Variants in ZNF138 observed in about 807,000 individuals in gnomAD.
ZNF138 encodes the protein zinc finger protein 138 (clone pHZ-32).
A neutral mutation model predicts 33.0 loss-of-function variants in ZNF138; 33 were observed. The ratio of observed to expected loss-of-function variants is 1.00; its 90% confidence interval spans 0.76 to 1.34. The LOEUF (loss-of-function observed/expected upper bound fraction) is 1.34, where lower values mean the gene tolerates loss of function less well. ZNF138 is among the 40% of genes most tolerant of loss of function. The probability of loss-of-function intolerance (pLI) is 0.00; values close to 1 mark genes in which losing one functional copy is unlikely to be tolerated. For missense variants in ZNF138, 360 were observed against 370.8 expected (o/e 0.97, Z 0.24); for synonymous variants, 139 against 120.4 (o/e 1.15, Z -1.01).
chr7:64,844,618 C>T, the ZNF138 span, among the ~76,000 whole-genome samples: 4 of 150,630 alleles, frequency 2.7e-5, no homozygotes, highest in African/African-American at 9.8e-5. Context: ...TTTTAATTTC[C>T]ATAGGTTTCG....
intron 3 of ZNF138, among the ~76,000 whole-genome samples, chr7:64,829,452 G>T (rs1453762475): frequency 7.7e-6 from 1 of 129,146 alleles, no homozygotes; most frequent in Non-Finnish European, 1.7e-5. Context: ...CCCAGTGAAT[G>T]AATCTATTAT....
intron 3 of ZNF138, among the ~76,000 whole-genome samples, chr7:64,828,892 A>G (rs1175205968): frequency 1.3e-5 from 2 of 152,134 alleles, no homozygotes; most frequent in African/African-American, 4.8e-5. Flanking sequence ...TTTGGAAAAC[A>G]TTGCATTAAA....
At chr7:64,828,454 C>T (rs1789821234) in intron 3 of ZNF138, among the ~76,000 whole-genome samples, 1 of 152,030 alleles carries the variant, frequency 6.6e-6, no homozygotes, top group Admixed American at 6.6e-5. Context: ...TGGCCCATTT[C>T]ATTTTGCATG....
At chr7:64,796,841 T>C (rs1194236047) in intron 1 of ZNF138, among the ~76,000 whole-genome samples, 1 of 152,174 alleles carries the variant, frequency 6.6e-6, no homozygotes, top group Non-Finnish European at 1.5e-5. Context: ...TCAGGAGTTC[T>C]AGACCAGCCT....
chr7:64,860,049 A>C, the ZNF138 span, among the ~76,000 whole-genome samples: 1 of 152,180 alleles, frequency 6.6e-6, no homozygotes, highest in Non-Finnish European at 1.5e-5. Flanking sequence ...AGACAGGGGA[A>C]TTGCTTGAAC....
chr7:64,808,077 C>T (rs879064263), intron 1 of ZNF138, among the ~76,000 whole-genome samples: 1 of 152,186 alleles, frequency 6.6e-6, no homozygotes, highest in Admixed American at 6.5e-5. Flanking sequence ...AAGCAATCAG[C>T]CTAGGGTCAC....
At chr7:64,800,041 T>G (rs1048428899) in intron 1 of ZNF138, among the ~76,000 whole-genome samples, 1 of 152,188 alleles carries the variant, frequency 6.6e-6, no homozygotes, top group African/African-American at 2.4e-5. Context: ...ATTCTGAAAT[T>G]TTGCTTCACT....
the ZNF138 span, chr7:64,852,874 G>A: frequency 4.5e-6 from 4 of 898,698 alleles, 1 homozygote; most frequent in South Asian, 2.6e-5. Flanking sequence ...GTACTGTTTG[G>A]CCGCCCATTA....
downstream of ZNF138, chr7:64,836,965 G>A (rs1411150986): frequency 6.6e-6 from 1 of 152,218 alleles, no homozygotes; most frequent in East Asian, 1.9e-4. Flanking sequence ...CTTCATGTTG[G>A]TGAAAGTTCT....
chr7:64,838,932 GC>G, the ZNF138 span, among the ~76,000 whole-genome samples: 2 of 152,230 alleles, frequency 1.3e-5, no homozygotes, highest in Middle Eastern at 3.4e-3. Flanking sequence ...TGGCAGTGGT[GC>G]AGAAGGAGAT....
At chr7:64,825,257 C>T (rs1044687302) in intron 3 of ZNF138, among the ~76,000 whole-genome samples, 3 of 146,060 alleles carry the variant, frequency 2.1e-5, no homozygotes, top group East Asian at 4.2e-4. Flanking sequence ...ACTGCAAGCT[C>T]TGCCTCCCGG....
chr7:64,851,177 T>C, the ZNF138 span, among the ~76,000 whole-genome samples: 8 of 152,146 alleles, frequency 5.3e-5, no homozygotes, highest in Non-Finnish European at 1.0e-4. Context: ...TGCTGTGCAA[T>C]AGAACTCAAA....
intron 3 of ZNF138, among the ~76,000 whole-genome samples, chr7:64,827,847 C>T (rs2129013575): frequency 6.6e-6 from 1 of 151,978 alleles, no homozygotes; most frequent in East Asian, 1.9e-4. Flanking sequence ...TAGGGTATGC[C>T]ACCTCACACC....
the ZNF138 span, among the ~76,000 whole-genome samples, chr7:64,840,417 T>A: frequency 5.9e-5 from 9 of 152,174 alleles, no homozygotes; most frequent in Admixed American, 2.0e-4. Context: ...AATTTTTTAT[T>A]TATAATTTAA....
At chr7:64,850,096 C>T in the ZNF138 span, among the ~76,000 whole-genome samples, 7 of 152,204 alleles carry the variant, frequency 4.6e-5, no homozygotes, top group Admixed American at 4.6e-4. Flanking sequence ...AATGGCTTCC[C>T]AGAAGACTCA....
chr7:64,859,920 C>T, the ZNF138 span, among the ~76,000 whole-genome samples: 1 of 152,130 alleles, frequency 6.6e-6, no homozygotes. Flanking sequence ...GGGTGGATTA[C>T]GAGGTCAAGA....
chr7:64,812,745 C>T (rs946148763), intron 1 of ZNF138, among the ~76,000 whole-genome samples: 1 of 151,714 alleles, frequency 6.6e-6, no homozygotes, highest in Non-Finnish European at 1.5e-5. Context: ...ACAGGTGGTG[C>T]TGACACCTTT....
At chr7:64,837,278 T>C (rs550193929), downstream of ZNF138, among the ~76,000 whole-genome samples, 2 of 152,032 alleles carry the variant, frequency 1.3e-5, no homozygotes, top group African/African-American at 2.4e-5. Flanking sequence ...AGAATTACCA[T>C]GTAGGGGCCT....
At chr7:64,844,251 A>AATGTTTGCTAGTTCCAGGGGTGC in the ZNF138 span, among the ~76,000 whole-genome samples, 2 of 152,102 alleles carry the variant, frequency 1.3e-5, no homozygotes, top group African/African-American at 4.8e-5. Flanking sequence ...TATTATTTTT[A>AATGTTTGCTAGTTCCAGGGGTGC]ATGTTTGCTA....
Sources: gnomAD v4.1 joint callset for allele counts (sites outside exome capture counted in the v4.1 genomes callset) on GRCh38, gnomAD v4.1.1 for gene constraint, MANE v1.5 for transcripts, NCBI Gene and HGNC (gene_info 2026-07-23, HGNC 2026-07-21) for gene names.